Variants in DYNC2H1 observed in about 807,000 individuals in gnomAD.
The protein encoded by DYNC2H1 is dynein cytoplasmic 2 heavy chain 1, also known as cytoplasmic dynein 2 heavy chain 1.
Under a neutral mutation model 570.0 loss-of-function variants are expected in DYNC2H1, and 410 were observed. That is an observed-to-expected ratio of 0.72 (90% CI 0.66 to 0.78). The LOEUF (loss-of-function observed/expected upper bound fraction) is 0.78, where lower values mean the gene tolerates loss of function less well. Among genes scored for constraint, DYNC2H1 ranks in the 30% least tolerant of loss-of-function variants. The probability of loss-of-function intolerance (pLI) is 0.00; values close to 1 mark genes in which losing one functional copy is unlikely to be tolerated. For synonymous variants in DYNC2H1, 1,688 were observed against 1,677.6 expected, an observed-to-expected ratio of 1.01 and a Z score of -0.15; for missense variants, 4,865 against 5,046.4, an observed-to-expected ratio of 0.96 and a Z score of 1.09.
chr11:103,476,429 A>T (rs968798988), intron 88 of DYNC2H1, among the ~76,000 whole-genome samples: 3 of 152,130 alleles, frequency 2.0e-5, no homozygotes, highest in African/African-American at 7.2e-5. Flanking sequence ...TTCAAAGGAG[A>T]TTATTTTCTC....
intron 75 of DYNC2H1, among the ~76,000 whole-genome samples, chr11:103,293,592 C>T (rs1866700131): frequency 6.6e-6 from 1 of 151,500 alleles, no homozygotes; most frequent in Admixed American, 6.6e-5. Flanking sequence ...ATCTTGTAGG[C>T]ATACTTCATC....
rs566429195 is a variant in DYNC2H1 at position 103,473,968 on chromosome 11, T to G, written c.12766-5127T>G. 1.3e-4 allele frequency: 20 copies of G among 154,840 alleles called. No homozygotes were observed. In the South Asian group the frequency reaches 3.5e-3, roughly 27 times the overall value. 9.6% of individuals were successfully genotyped at this position (154,840 alleles called of 1,614,324 possible). A position where few individuals can be genotyped will look rare whatever the true frequency, so the allele number is the denominator to read the frequency against. ...AACAATCATTACTTTATATTTTGTA[T>G]AGATGTTAAAATATCACATATATCA... is the stretch of plus-strand genomic sequence containing the variant. On this transcript the variant is annotated intron_variant, in intron 88 of 88. Transcript: ENST00000375735.
chr11:103,420,482 G>A (rs1384188632), intron 84 of DYNC2H1, among the ~76,000 whole-genome samples: 1 of 152,074 alleles, frequency 6.6e-6, no homozygotes, highest in Non-Finnish European at 1.5e-5. Context: ...CACAGAGAAA[G>A]GACACGTCAC....
chr11:103,147,740 C>T, intron 18 of DYNC2H1, 32 bp from the exon 19 acceptor site: 1 of 1,350,862 alleles, frequency 7.4e-7, no homozygotes. Context: ...TAGTCTTTTC[C>T]ATGTCAAAAT....
Position 103,120,470 on chromosome 11 carries a change from T to G in DYNC2H1, c.1023T>G (p.His341Gln). The change falls in exon 7 of 89, where the codon CAT becomes CAG. Residue 341 changes from histidine (H) to glutamine (Q), a missense_variant. Transcript: ENST00000375735. ...AGGTCTTGGCTATTAGAACAATTCA[T>G]GAGAAGTTTCTCTATTTTCTACCTG... ...LEEVLAIRTI[H>Q]EKFLYFLPAS... is the part of the protein sequence containing the mutation. 1.9e-6 allele frequency: 3 copies of G among 1,611,708 alleles called. No homozygotes were observed. Among genetic ancestry groups the G allele is most frequent in the Non-Finnish European group, 1.7e-6 (2 of 1,178,790 alleles).
chr11:103,257,500 G>GT, intron 68 of DYNC2H1, 108 bp from the exon 69 acceptor site: 2 of 1,133,562 alleles, frequency 1.8e-6, no homozygotes, highest in South Asian at 3.0e-5. Flanking sequence ...AAAAAGTAAG[G>GT]TTTTTTTATT....
At chr11:103,474,113 G>A (rs920303330) in intron 88 of DYNC2H1, 26 of 228,288 alleles carry the variant, frequency 1.1e-4, no homozygotes, top group African/African-American at 6.1e-4. Flanking sequence ...AAGTAATGAT[G>A]TTATCACTAT....
At chr11:103,340,425 G>A (rs61896776) in intron 82 of DYNC2H1, among the ~76,000 whole-genome samples, 33,040 of 151,550 alleles carry the variant, frequency 0.22, 3,735 homozygotes, top group Admixed American at 0.31. Flanking sequence ...TTTTAGTTAC[G>A]TCATCTGCCT....
At chr11:103,113,186 A>G (rs942143781) in intron 1 of DYNC2H1, among the ~76,000 whole-genome samples, 4 of 152,144 alleles carry the variant, frequency 2.6e-5, no homozygotes, top group African/African-American at 9.7e-5. Context: ...TGGAGCCTAC[A>G]GCTTTCATCT....
chr11:103,358,250 C>T lies in DYNC2H1; in HGVS notation c.12047C>T (p.Ser4016Leu). The T allele has an allele frequency of 6.4e-7, 1 of 1,558,008 alleles. No individual in the cohort carries two copies. Among genetic ancestry groups the T allele is most frequent in the Non-Finnish European group, 8.7e-7 (1 of 1,147,544 alleles). ...SQRMISSQVISQLRILGRSIT... is the reference protein window; with the variant it reads ...SQRMISSQVILQLRILGRSIT... ...TATTATTTTTTTATTCAGGTTATTT[C>T]ACAGTTGAGGATTTTGGGCAGATCC... The change falls in exon 83 of 89, where the codon TCA becomes TTA. Residue 4016 changes from serine (S) to leucine (L), a missense_variant. Physicochemically the swap from Ser to Leu is moderately radical, Grantham distance 145. This residue lies in a region of DYNC2H1 where 2,401 missense variants were observed against 2,454.6 expected (regional missense o/e 0.98). Transcript: ENST00000375735.
At position 103,122,704 on chromosome 11, in the gene DYNC2H1, C is replaced by T. The variant is rs190866592; in HGVS notation, c.1486-121C>T. On this transcript the variant is annotated intron_variant, in intron 10 of 88. Coordinates refer to ENST00000375735, the MANE Select transcript of DYNC2H1 (RefSeq NM_001377.3). ...ATTCTTTGGTGAATCTTCCGTTTCA[C>T]TGTTTATAGATGAAAGGTAAAATAA... 9.3e-4 allele frequency: 784 copies of T among 839,652 alleles called. 19 individuals carry two copies. The Admixed American group carries it at 0.021, about 23-fold the overall frequency. 52.0% of individuals were successfully genotyped at this position (839,652 alleles called of 1,614,324 possible). A position where few individuals can be genotyped will look rare whatever the true frequency, so the allele number is the denominator to read the frequency against.
intron 40 of DYNC2H1, 75 bp from the exon 41 acceptor site, chr11:103,184,821 T>A: frequency 1.4e-6 from 2 of 1,471,440 alleles, no homozygotes; most frequent in Non-Finnish European, 1.8e-6. Context: ...TATGTGAACA[T>A]CAGTCTGTAT....
chr11:103,113,966 G>A (rs2134684268), intron 2 of DYNC2H1, 137 bp from the exon 3 acceptor site: 7 of 1,048,304 alleles, frequency 6.7e-6, no homozygotes, highest in South Asian at 6.5e-5. Context: ...ACTGTTGAGA[G>A]GACTTTTTAT....
intron 84 of DYNC2H1, among the ~76,000 whole-genome samples, chr11:103,428,321 C>G (rs1357610315): frequency 6.6e-6 from 1 of 151,362 alleles, no homozygotes; most frequent in Admixed American, 6.6e-5. Context: ...CTATATCATG[C>G]GAGGCTCTGG....
In DYNC2H1 at chr11:103,479,079, G is replaced by A; in HGVS notation, c.12766-16G>A. On this transcript the variant is annotated splice_polypyrimidine_tract_variant and intron_variant, in intron 88 of 88. Transcript: ENST00000375735. ...AGTGTATTGCTTTATTTTAAAACAAGTTATTTTTTAAACAGGATGCATGTG... is the reference window on the plus strand; with the variant it reads ...AGTGTATTGCTTTATTTTAAAACAAATTATTTTTTAAACAGGATGCATGTG... 6.2e-7 allele frequency: 1 copy of A among 1,612,546 alleles called. No individual in the cohort carries two copies. Among genetic ancestry groups the A allele is most frequent in the African/African-American group, 1.3e-5 (1 of 75,004 alleles).
chr11:103,438,651 C>T (rs528104554), intron 85 of DYNC2H1, among the ~76,000 whole-genome samples: 1 of 152,210 alleles, frequency 6.6e-6, no homozygotes, highest in East Asian at 1.9e-4. Context: ...TACAGGGGTT[C>T]TGTGCAAATA....
chr11:103,222,163 A>T lies in DYNC2H1; in HGVS notation c.9231+10A>T. On this transcript the variant is annotated intron_variant, in intron 58 of 88. Transcript: ENST00000375735. The stretch of plus-strand genomic sequence containing the variant: ...CTCTTTTGATCCAAAGGTAATTTTT[A>T]AGTTATACTATAAATTTGTTTTTCC... The T allele has an allele frequency of 6.7e-7, 1 of 1,502,714 alleles. No individual in the cohort carries two copies. The highest frequency in any genetic ancestry group is 9.0e-7 in the Non-Finnish European group (1 of 1,108,416). 93.1% of individuals were successfully genotyped at this position (1,502,714 alleles called of 1,614,324 possible). A position where few individuals can be genotyped will look rare whatever the true frequency, so the allele number is the denominator to read the frequency against.
Position 103,319,355 on chromosome 11 carries a change from G to A in DYNC2H1, c.11726-1674G>A, listed in dbSNP as rs1176388103. Among the ~76,000 whole-genome samples the A allele has an allele frequency of 6.6e-6, 1 of 152,062 alleles. No homozygotes were observed. The highest frequency in any genetic ancestry group is 1.5e-5 in the Non-Finnish European group (1 of 67,972). ...ATTAAATGCCAAAAAAGAGAAAAAG[G>A]TCTAACTCTTGGGAACAATTGGTAT... On this transcript the variant is annotated intron_variant, in intron 80 of 88. Coordinates refer to ENST00000375735, the MANE Select transcript of DYNC2H1 (RefSeq NM_001377.3). The surrounding 1 kb of genome is among the most constrained non-coding windows in gnomAD (Gnocchi z 4.3).
Position 103,439,042 on chromosome 11 carries a change from C to G in DYNC2H1, c.12456+3010C>G, listed in dbSNP as rs1212187807. ...TGGTGCCAAACACTGTGTGAGGTTG[C>G]TGAATATAGAGTGGTAAACAAAATA... On this transcript the variant is annotated intron_variant, in intron 85 of 88. Coordinates refer to ENST00000375735, the MANE Select transcript of DYNC2H1 (RefSeq NM_001377.3). This position sits in a 1 kb window ranked among gnomAD's most constrained non-coding sequence, Gnocchi z 4.1. 2.0e-5 allele frequency among the ~76,000 whole-genome samples: 3 copies of G among 152,080 alleles called. No homozygotes were observed. Among genetic ancestry groups the G allele is most frequent in the African/African-American group, 7.2e-5 (3 of 41,408 alleles).
Sources: gnomAD v4.1 joint callset for allele counts (sites outside exome capture counted in the v4.1 genomes callset) on GRCh38, gnomAD v4.1.1 for gene constraint, gnomAD v4.1.1 regional missense constraint, Gnocchi (gnomAD v3.1) non-coding constraint, MANE v1.5 for transcripts, NCBI Gene and HGNC (gene_info 2026-07-23, HGNC 2026-07-21) for gene names.